R3HDM1: variants seen among roughly 807,000 people sequenced by gnomAD.
R3HDM1 encodes the protein R3H domain containing 1.
Under a neutral mutation model 141.1 loss-of-function variants are expected in R3HDM1, and 46 were observed. The observed-to-expected ratio is 0.33, with a 90% CI of 0.26 to 0.42. The LOEUF is 0.42. Among genes scored for constraint, R3HDM1 ranks in the 10% least tolerant of loss-of-function variants. R3HDM1 has a pLI of 1.00. For missense variants in R3HDM1, 1,184 were observed against 1,368.3 expected (o/e 0.87, Z 2.12); for synonymous variants, 435 against 472.9 (o/e 0.92, Z 1.04).
Position 135,674,492 on chromosome 2 carries a change from T to C in R3HDM1, c.2153-840T>C, listed in dbSNP as rs555579303. Among the ~76,000 whole-genome samples the C allele has an allele frequency of 6.2e-4, 95 of 152,216 alleles. 1 individual carries two copies. Among genetic ancestry groups the C allele is most frequent in the Non-Finnish European group, 8.1e-4 (55 of 68,038 alleles). ...TAGCATCTAGTAATTTACATGAGTC[T>C]TTAGCTAATTAGTATACCTAAAAGA... On this transcript the variant is annotated intron_variant, in intron 19 of 26. Coordinates refer to ENST00000683871, the MANE Select transcript of R3HDM1 (RefSeq NM_001378107.1).
At chr2:135,712,964 G>A (rs555335597) in intron 23 of R3HDM1, among the ~76,000 whole-genome samples, 1 of 152,080 alleles carries the variant, frequency 6.6e-6, no homozygotes, top group Admixed American at 6.5e-5. Context: ...CACTTTGGGA[G>A]GCCAAGGAGA....
chr2:135,586,616 C>T, intron 1 of R3HDM1: 1 of 806,350 alleles, frequency 1.2e-6, no homozygotes, highest in Non-Finnish European at 1.5e-6. Context: ...TGATAAAATT[C>T]TACTATATTG....
intron 1 of R3HDM1, among the ~76,000 whole-genome samples, chr2:135,547,439 A>T (rs1698929998): frequency 6.7e-6 from 1 of 149,158 alleles, no homozygotes; most frequent in South Asian, 2.1e-4. Flanking sequence ...ACTTCTTATG[A>T]CTGTCTTCGA....
intron 6 of R3HDM1, chr2:135,622,156 A>G: frequency 1.0e-6 from 1 of 984,766 alleles, no homozygotes; most frequent in Non-Finnish European, 1.2e-6. Flanking sequence ...TTTGAAAAGT[A>G]TTTTGAAAGC....
At chr2:135,586,525 T>C (rs745849547) in intron 1 of R3HDM1, 17 of 193,622 alleles carry the variant, frequency 8.8e-5, no homozygotes, top group Non-Finnish European at 1.4e-4. Context: ...CTCAATTCTT[T>C]TGCTAAATTT....
chr2:135,556,822 A>G (rs1700868820), intron 1 of R3HDM1, among the ~76,000 whole-genome samples: 1 of 151,914 alleles, frequency 6.6e-6, no homozygotes, highest in South Asian at 2.1e-4. Flanking sequence ...CTAGCCCAAA[A>G]CTGTCATTTT....
At chr2:135,689,343 A>C (rs1344446928) in intron 21 of R3HDM1, among the ~76,000 whole-genome samples, 1 of 152,222 alleles carries the variant, frequency 6.6e-6, no homozygotes, top group Non-Finnish European at 1.5e-5. Context: ...AAATTACTAC[A>C]TATCAACAAG....
At chr2:135,704,801 T>G (rs2074687750) in intron 21 of R3HDM1, among the ~76,000 whole-genome samples, 1 of 152,178 alleles carries the variant, frequency 6.6e-6, no homozygotes, top group Admixed American at 6.5e-5. Context: ...CTGTATATAT[T>G]TCACTTATTG....
intron 21 of R3HDM1, among the ~76,000 whole-genome samples, chr2:135,686,371 A>G (rs1426188467): frequency 1.3e-5 from 2 of 152,270 alleles, no homozygotes; most frequent in Non-Finnish European, 2.9e-5. Context: ...AGAGATTTAC[A>G]TCTCCATATT....
At chr2:135,656,822 A>G (rs972293433) in intron 18 of R3HDM1, among the ~76,000 whole-genome samples, 2 of 152,192 alleles carry the variant, frequency 1.3e-5, no homozygotes, top group African/African-American at 4.8e-5. Context: ...AGCCGGGCAC[A>G]GTGGCTCACG....
At chr2:135,608,901 A>G (rs1386282702) in intron 3 of R3HDM1, among the ~76,000 whole-genome samples, 1 of 152,214 alleles carries the variant, frequency 6.6e-6, no homozygotes, top group Non-Finnish European at 1.5e-5. Context: ...CAGCATAGTA[A>G]TATTTAAAGT....
intron 1 of R3HDM1, among the ~76,000 whole-genome samples, chr2:135,557,460 G>A (rs1165098320): frequency 2.6e-5 from 4 of 152,218 alleles, no homozygotes; most frequent in Non-Finnish European, 2.9e-5. Flanking sequence ...TAAACTCATC[G>A]AATGCCAGGT....
intron 7 of R3HDM1, among the ~76,000 whole-genome samples, chr2:135,631,285 T>C (rs1240113649): frequency 2.0e-5 from 3 of 152,070 alleles, no homozygotes; most frequent in Admixed American, 1.3e-4. Context: ...CTCTCCACTT[T>C]ATTGAATGAG....
At chr2:135,709,279 T>G (rs1372229569) in intron 21 of R3HDM1, among the ~76,000 whole-genome samples, 154 bp from the exon 22 acceptor site, 1 of 152,200 alleles carries the variant, frequency 6.6e-6, no homozygotes, top group Non-Finnish European at 1.5e-5. Flanking sequence ...TTCACCGTAT[T>G]AGCCAGGATG....
intron 19 of R3HDM1, among the ~76,000 whole-genome samples, chr2:135,664,280 A>G (rs1237315452): frequency 6.6e-6 from 1 of 152,124 alleles, no homozygotes; most frequent in Non-Finnish European, 1.5e-5. Context: ...AAAATGAGAA[A>G]TACTTTTTCA....
intron 23 of R3HDM1, 48 bp downstream of exon 23, chr2:135,710,279 A>C (rs1477319110): frequency 1.3e-6 from 2 of 1,554,746 alleles, no homozygotes; most frequent in East Asian, 4.6e-5. Context: ...CATTTTTGTT[A>C]CCTAAGATTG....
chr2:135,559,671 A>G (rs189285131), intron 1 of R3HDM1, among the ~76,000 whole-genome samples: 186 of 152,264 alleles, frequency 1.2e-3, no homozygotes, highest in Non-Finnish European at 2.3e-3. Flanking sequence ...GGATCCAACT[A>G]TTTACTACTG....
chr2:135,549,241 T>G (rs1380131885), intron 1 of R3HDM1, among the ~76,000 whole-genome samples: 1 of 152,040 alleles, frequency 6.6e-6, no homozygotes, highest in African/African-American at 2.4e-5. Flanking sequence ...TTTGGTTTTG[T>G]TTTGGTTTGT....
intron 21 of R3HDM1, among the ~76,000 whole-genome samples, chr2:135,707,613 CAT>C (rs2075109922): frequency 6.6e-6 from 1 of 152,188 alleles, no homozygotes; most frequent in Non-Finnish European, 1.5e-5. Flanking sequence ...CTTTCACCCA[CAT>C]GTCTCAGACC....
Sources: gnomAD v4.1 joint callset for allele counts (sites outside exome capture counted in the v4.1 genomes callset) on GRCh38, gnomAD v4.1.1 for gene constraint, MANE v1.5 for transcripts, NCBI Gene and HGNC (gene_info 2026-07-23, HGNC 2026-07-21) for gene names.